The following KIAA1217 variants were observed in gnomAD, a reference collection of about 807,000 sequenced individuals.
KIAA1217 encodes the protein sickle tail protein homolog.
KIAA1217 carries 88 observed loss-of-function variants against 163.9 expected under a neutral mutation model. The ratio of observed to expected loss-of-function variants is 0.54; its 90% confidence interval spans 0.45 to 0.64. The LOEUF is 0.64. KIAA1217 is among the 30% of genes least tolerant of loss of function. The pLI, the probability that KIAA1217 is intolerant of heterozygous loss-of-function variation, is 0.00. For synonymous variants in KIAA1217, 903 were observed against 923.1 expected, an observed-to-expected ratio of 0.98 and a Z score of 0.39; for missense variants, 2,372 against 2,475.0, an observed-to-expected ratio of 0.96 and a Z score of 0.88.
intron 3 of KIAA1217, among the ~76,000 whole-genome samples, chr10:24,398,857 A>G (rs2056183063): frequency 6.6e-6 from 1 of 152,138 alleles, no homozygotes; most frequent in East Asian, 1.9e-4. Context: ...ACCAAAGTCT[A>G]GTGGCCCAAT....
chr10:23,737,349 C>A (rs538584606), intron 1 of KIAA1217, among the ~76,000 whole-genome samples: 5 of 150,964 alleles, frequency 3.3e-5, no homozygotes, highest in Admixed American at 3.3e-4. Flanking sequence ...CAGGTGCGCA[C>A]CACCATGCCT....
chr10:24,248,619 C>T (rs960540268), intron 2 of KIAA1217, among the ~76,000 whole-genome samples: 15 of 131,752 alleles, frequency 1.1e-4, no homozygotes, highest in Middle Eastern at 5.4e-3. Context: ...TGCAGTGAGC[C>T]GAGATCACTC....
At chr10:24,314,446 G>A (rs2043097611) in intron 2 of KIAA1217, among the ~76,000 whole-genome samples, 1 of 152,190 alleles carries the variant, frequency 6.6e-6, no homozygotes, top group Non-Finnish European at 1.5e-5. Context: ...AAATGAGGGA[G>A]GGTATTCATG....
chr10:24,122,790 T>C (rs1298925988), intron 2 of KIAA1217, among the ~76,000 whole-genome samples: 1 of 152,088 alleles, frequency 6.6e-6, no homozygotes, highest in Non-Finnish European at 1.5e-5. Context: ...AGTTTTTATG[T>C]TTTAAAAGTA....
At chr10:23,919,327 T>G (rs1291938148) in intron 1 of KIAA1217, among the ~76,000 whole-genome samples, 1 of 151,942 alleles carries the variant, frequency 6.6e-6, no homozygotes, top group Non-Finnish European at 1.5e-5. Flanking sequence ...AATCATCGAC[T>G]GGGTGCAGTG....
In KIAA1217 at chr10:24,141,224, A is replaced by AAC. The variant is rs1554882494; in HGVS notation, c.-170-78401_-170-78400dup. Among the ~76,000 whole-genome samples, 26 of 73,988 alleles carry AAC rather than the reference A, an allele frequency of 3.5e-4. 3 individuals carry two copies. Among genetic ancestry groups the AAC allele is most frequent in the Admixed American group, 3.3e-3 (24 of 7,186 alleles). 48.5% of individuals were successfully genotyped at this position (73,988 alleles called of 152,430 possible). A position where few individuals can be genotyped will look rare whatever the true frequency, so the allele number is the denominator to read the frequency against. ...TCTCTTAATGCTCAGAGAAAGAATA[A>AAC]ACCCCCCCCCCCCATTTCTCTCTTC... On this transcript the variant is annotated intron_variant, in intron 2 of 18. Transcript: ENST00000376462.
intron 2 of KIAA1217, among the ~76,000 whole-genome samples, chr10:24,294,209 A>G (rs1024392806): frequency 5.9e-5 from 9 of 151,462 alleles, no homozygotes; most frequent in African/African-American, 4.8e-5. Flanking sequence ...AAAAAAAAAA[A>G]AAAAGAAATA....
At chr10:23,820,276 G>C (rs750693354) in intron 1 of KIAA1217, among the ~76,000 whole-genome samples, 1 of 152,018 alleles carries the variant, frequency 6.6e-6, no homozygotes, top group African/African-American at 2.4e-5. Flanking sequence ...CATATTAAAC[G>C]GACAGAGGCC....
chr10:24,289,236 G>A (rs909521730), intron 2 of KIAA1217, among the ~76,000 whole-genome samples: 2 of 152,180 alleles, frequency 1.3e-5, no homozygotes, highest in Non-Finnish European at 1.5e-5. Context: ...TGGAGGGCAC[G>A]GGCACTGGGG....
rs148144520 is a variant in KIAA1217 at position 23,864,072 on chromosome 10, G to GTTATTATTA, written c.-320-143129_-320-143121dup. 8.3e-3 allele frequency among the ~76,000 whole-genome samples: 1,242 copies of GTTATTATTA among 149,200 alleles called. 12 individuals carry two copies. The highest frequency in any genetic ancestry group is 0.013 in the African/African-American group (526 of 40,588). ...GTACTCACAAAAACCTTGTAAAGTAGTTATTATTATTATTATTATTATTAT... is the reference window on the plus strand; with the variant it reads ...GTACTCACAAAAACCTTGTAAAGTAGTTATTATTATTATTATTATTATTATTATTATTAT... On this transcript the variant is annotated intron_variant, in intron 1 of 18. Transcript: ENST00000376462.
At chr10:24,136,078 G>A (rs1164136758) in intron 2 of KIAA1217, among the ~76,000 whole-genome samples, 1 of 152,160 alleles carries the variant, frequency 6.6e-6, no homozygotes, top group Non-Finnish European at 1.5e-5. Flanking sequence ...ATTAGAGTAT[G>A]AGATTCAGGC....
chr10:24,180,730 A>C lies in KIAA1217; in HGVS notation c.-170-38896A>C, dbSNP rs143716541. The stretch of plus-strand genomic sequence containing the variant: ...TCATTGTCTGAGGAATTAATTTGAC[A>C]ATCTGTCATTTAGTCCTGTGGTTGT... On this transcript the variant is annotated intron_variant, in intron 2 of 18. Coordinates refer to the KIAA1217 transcript ENST00000376462. 9.2e-5 allele frequency among the ~76,000 whole-genome samples: 14 copies of C among 152,346 alleles called. No homozygotes were observed. In the East Asian group the frequency reaches 2.7e-3, roughly 29 times the overall value.
At chr10:23,753,452 G>A (rs1484937604) in intron 1 of KIAA1217, among the ~76,000 whole-genome samples, 1 of 152,180 alleles carries the variant, frequency 6.6e-6, no homozygotes, top group Non-Finnish European at 1.5e-5. Context: ...AAATCAAAGA[G>A]CTACCTACCT....
intron 1 of KIAA1217, among the ~76,000 whole-genome samples, chr10:23,716,165 A>G (rs1837557095): frequency 6.6e-6 from 1 of 152,190 alleles, no homozygotes; most frequent in South Asian, 2.1e-4. Flanking sequence ...TATGAACATA[A>G]TAGATGTTGT....
chr10:23,926,685 A>G (rs1051740847), intron 1 of KIAA1217, among the ~76,000 whole-genome samples: 2 of 151,994 alleles, frequency 1.3e-5, no homozygotes, highest in African/African-American at 4.8e-5. Flanking sequence ...AGATCATGCC[A>G]TTGCACTCCA....
At chr10:24,058,437 T>C (rs548138989) in intron 2 of KIAA1217, among the ~76,000 whole-genome samples, 64 of 152,314 alleles carry the variant, frequency 4.2e-4, no homozygotes, top group African/African-American at 1.4e-3. Flanking sequence ...AAAAATTTCA[T>C]TGGAATTTTG....
intron 2 of KIAA1217, among the ~76,000 whole-genome samples, chr10:24,261,509 A>AT (rs1279711013): frequency 2.6e-5 from 4 of 151,596 alleles, no homozygotes; most frequent in Admixed American, 2.0e-4. Flanking sequence ...CAAAAAAAAA[A>AT]AAAAAGCATT....
At chr10:24,116,380 T>G (rs572432504) in intron 2 of KIAA1217, among the ~76,000 whole-genome samples, 1 of 152,232 alleles carries the variant, frequency 6.6e-6, no homozygotes, top group East Asian at 2.0e-4. Context: ...GCAAATATTT[T>G]GGGCTCTGCA....
chr10:24,100,872 A>G (rs1457234934), intron 2 of KIAA1217, among the ~76,000 whole-genome samples: 1 of 152,208 alleles, frequency 6.6e-6, no homozygotes, highest in African/African-American at 2.4e-5. Context: ...CATAAAATGA[A>G]CTAGGAAAAT....
Sources: allele counts gnomAD v4.1 joint callset (sites outside exome capture counted in the v4.1 genomes callset), GRCh38; gene constraint gnomAD v4.1.1; transcripts MANE v1.5; gene names NCBI Gene and HGNC (gene_info 2026-07-23, HGNC 2026-07-21).